Variants in RNF17 observed in about 807,000 individuals in gnomAD.
The protein encoded by RNF17 is spermatogenesis associated 23.
A neutral mutation model predicts 200.5 loss-of-function variants in RNF17; 31 were observed. That is an observed-to-expected ratio of 0.15 (90% CI 0.12 to 0.21). RNF17 has a LOEUF of 0.21. Ranked by LOEUF, RNF17 falls within the 10% of genes least tolerant of loss-of-function variation. The pLI is 1.00. For synonymous variants in RNF17, 606 were observed against 637.8 expected (o/e 0.95, Z 0.75); for missense variants, 1,628 against 1,905.1 (o/e 0.85, Z 2.71).
At position 24,832,987 on chromosome 13, in the gene RNF17, C is replaced by A. The variant is rs9553453; in HGVS notation, c.2482+1009C>A. ...TCTCGAACTCTTGGGCTCAAGCGAT[C>A]CTCCCTCCTCGGCCTCCCAAAGTTC... is the stretch of plus-strand genomic sequence containing the variant. On this transcript the variant is annotated intron_variant, in intron 18 of 35. Coordinates refer to ENST00000255324, the MANE Select transcript of RNF17 (RefSeq NM_031277.3). Among the ~76,000 whole-genome samples, 222 of 152,104 alleles carry A rather than the reference C, an allele frequency of 1.5e-3. 1 individual carries two copies. Among genetic ancestry groups the A allele is most frequent in the African/African-American group, 5.0e-3 (207 of 41,474 alleles).
At chr13:24,882,353 T>C (rs1953887002), downstream of RNF17, 1 of 151,920 alleles carries the variant, frequency 6.6e-6, no homozygotes, top group Non-Finnish European at 1.5e-5. Context: ...AAAACCTGAT[T>C]CATAGTATAT....
chr13:24,759,762 C>G (rs545734027), upstream of RNF17, among the ~76,000 whole-genome samples: 2 of 152,192 alleles, frequency 1.3e-5, no homozygotes, highest in Admixed American at 6.5e-5. Context: ...TTTCCTACCA[C>G]CAAGTTAAAA....
At chr13:24,839,770 A>G (rs1011587673) in intron 18 of RNF17, among the ~76,000 whole-genome samples, 79 of 152,246 alleles carry the variant, frequency 5.2e-4, no homozygotes, top group African/African-American at 1.9e-3. Flanking sequence ...AGTGTAAACT[A>G]TAAAAATTCT....
chr13:24,750,389 T>C, the RNF17 span, among the ~76,000 whole-genome samples: 4 of 152,230 alleles, frequency 2.6e-5, no homozygotes, highest in African/African-American at 9.6e-5. Flanking sequence ...TACTGAGTCA[T>C]GCAACCATCA....
At chr13:24,847,682 A>T (rs765463345) in intron 22 of RNF17, among the ~76,000 whole-genome samples, 5 of 151,998 alleles carry the variant, frequency 3.3e-5, no homozygotes, top group Non-Finnish European at 4.4e-5. Context: ...TTCTTTTTTT[A>T]AAATTTGTTT....
At chr13:24,850,907 A>T (rs767562006) in intron 23 of RNF17, among the ~76,000 whole-genome samples, 4 of 152,164 alleles carry the variant, frequency 2.6e-5, no homozygotes, top group Non-Finnish European at 4.4e-5. Flanking sequence ...AAAAGTTTCC[A>T]GTTTGATTTT....
downstream of RNF17, chr13:24,884,414 C>T: frequency 1.2e-6 from 2 of 1,614,044 alleles, no homozygotes; most frequent in Admixed American, 3.3e-5. Context: ...CTTTCGAGTT[C>T]CATTGGGAAA....
At chr13:24,796,557 G>A (rs7998777) in intron 11 of RNF17, among the ~76,000 whole-genome samples, 149,580 of 152,258 alleles carry the variant, frequency 0.98, 73,515 homozygotes, top group Middle Eastern at 1. Flanking sequence ...AAAACTACAA[G>A]ACCCATGACA....
At chr13:24,780,555 T>C (rs1882207469) in intron 5 of RNF17, among the ~76,000 whole-genome samples, 1 of 152,134 alleles carries the variant, frequency 6.6e-6, no homozygotes, top group Non-Finnish European at 1.5e-5. Flanking sequence ...CCCAAAAGTT[T>C]AACCCATTCC....
intron 2 of RNF17, among the ~76,000 whole-genome samples, chr13:24,768,328 A>G (rs1880079445): frequency 8.0e-6 from 1 of 124,788 alleles, no homozygotes; most frequent in South Asian, 2.5e-4. Context: ...TGTGTCCCCC[A>G]GGCTGGAGTG....
chr13:24,877,239 T>C, intron 34 of RNF17, 53 bp downstream of exon 34: 1 of 1,473,938 alleles, frequency 6.8e-7, no homozygotes, highest in Non-Finnish European at 9.4e-7. Context: ...GTGTCGATAC[T>C]TTGTAAAGTG....
intron 17 of RNF17, 100 bp downstream of exon 17, chr13:24,830,699 T>G: frequency 1.2e-6 from 1 of 835,526 alleles, no homozygotes; most frequent in Non-Finnish European, 2.0e-6. Flanking sequence ...TGTCCCTTTT[T>G]GTCTAGTTGC....
rs372217053 is a variant in RNF17 at position 24,798,032 on chromosome 13, C to CT, written c.1400-1360dup. 5.2e-3 allele frequency among the ~76,000 whole-genome samples: 793 copies of CT among 152,170 alleles called. 8 individuals are homozygous for CT. The highest frequency in any genetic ancestry group is 0.018 in the African/African-American group (761 of 41,520). On this transcript the variant is annotated intron_variant, in intron 11 of 35. Transcript: ENST00000255324. ...AATTCTCACTTTGCAAGCTGTAATTCTTTGAGTTAACCCACTACCACTATG... is the reference window on the plus strand; with the variant it reads ...AATTCTCACTTTGCAAGCTGTAATTCTTTTGAGTTAACCCACTACCACTATG...
chr13:24,756,510 G>GT, the RNF17 span, among the ~76,000 whole-genome samples: 16,959 of 149,720 alleles, frequency 0.11, 1,201 homozygotes, highest in Non-Finnish European at 0.16. Context: ...ATTCTGTTGG[G>GT]TTTTTTTTTT....
chr13:24,858,539 T>G (rs960286485), intron 25 of RNF17, among the ~76,000 whole-genome samples: 2 of 150,268 alleles, frequency 1.3e-5, no homozygotes, highest in South Asian at 4.3e-4. Context: ...GAATGGTAAC[T>G]GACTCCAGAG....
chr13:24,855,443 C>T (rs1040264780), intron 25 of RNF17, among the ~76,000 whole-genome samples: 5 of 151,940 alleles, frequency 3.3e-5, no homozygotes, highest in Non-Finnish European at 5.9e-5. Context: ...GCCTGGCCAA[C>T]ATGGTGAAAC....
chr13:24,878,541 G>A (rs1052075242), intron 34 of RNF17, among the ~76,000 whole-genome samples: 3 of 152,178 alleles, frequency 2.0e-5, no homozygotes, highest in Non-Finnish European at 4.4e-5. Context: ...AGCTGACAAT[G>A]CAGCTGCTAG....
In RNF17 at chr13:24,806,826, G is replaced by A. The variant is rs1179477696; in HGVS notation, c.2091+2397G>A. ...CCCCCACCCCAAAACAGTCCCCAGA[G>A]TGTGATGTTCCCCTTCCTGTGTCCA... On this transcript the variant is annotated intron_variant, in intron 15 of 35. Coordinates refer to ENST00000255324, the MANE Select transcript of RNF17 (RefSeq NM_031277.3). 2.4e-5 allele frequency among the ~76,000 whole-genome samples: 3 copies of A among 127,646 alleles called. No individual in the cohort carries two copies. In the South Asian group the frequency reaches 7.7e-4, roughly 33 times the overall value. The allele number at this position is 127,646 out of a possible 152,430, so 83.7% of individuals were successfully genotyped here.
chr13:24,765,931 A>G (rs1430835969), intron 1 of RNF17, among the ~76,000 whole-genome samples: 2 of 152,230 alleles, frequency 1.3e-5, no homozygotes, highest in Non-Finnish European at 2.9e-5. Context: ...TTTTTAAAAA[A>G]TACAATTAAT....
Sources: allele counts gnomAD v4.1 joint callset (sites outside exome capture counted in the v4.1 genomes callset), GRCh38; gene constraint gnomAD v4.1.1; transcripts MANE v1.5; gene names NCBI Gene and HGNC (gene_info 2026-07-23, HGNC 2026-07-21).